The following ABR variants were observed in gnomAD, a reference collection of about 807,000 sequenced individuals.
The protein encoded by ABR is ABR activator of RhoGEF and GTPase.
A neutral mutation model predicts 107.2 loss-of-function variants in ABR; 35 were observed. The ratio of observed to expected loss-of-function variants is 0.33; its 90% CI spans 0.25 to 0.43. ABR has a LOEUF of 0.43. Among genes scored for constraint, ABR ranks in the 20% least tolerant of loss-of-function variants. The pLI is 1.00. For synonymous variants in ABR, 498 were observed against 462.0 expected, an observed-to-expected ratio of 1.08 and a Z score of -1.00; for missense variants, 815 against 1,115.2, an observed-to-expected ratio of 0.73 and a Z score of 3.83.
chr17:1,179,361 G>C lies in ABR; in HGVS notation c.61+306C>G, dbSNP rs1334685991. On this transcript the variant is annotated intron_variant, in intron 1 of 22. Transcript: ENST00000302538. This position sits in a 1 kb window ranked among gnomAD's most constrained non-coding sequence, Gnocchi z 4.9. ...GAGGCCGGGTTCACAACAGGTGGGA[G>C]GGGGGACGCAGCTCTCGGCTCGGTC... 6.6e-6 allele frequency among the ~76,000 whole-genome samples: 1 copy of C among 152,108 alleles called. No individual in the cohort carries two copies. Among genetic ancestry groups the C allele is most frequent in the East Asian group, 1.9e-4 (1 of 5,172 alleles).
chr17:1,073,728 C>T (rs1244951491), intron 6 of ABR, 51 bp from the exon 7 acceptor site: 1 of 1,508,964 alleles, frequency 6.6e-7, no homozygotes. Flanking sequence ...ACGAGGGCAA[C>T]CCAACACCCC....
chr17:1,018,300 C>T (rs923616486), intron 16 of ABR, among the ~76,000 whole-genome samples: 1 of 152,194 alleles, frequency 6.6e-6, no homozygotes, highest in Non-Finnish European at 1.5e-5. Flanking sequence ...CCTCGGCCTC[C>T]CAAAGTGCTG....
rs528823236 is a variant in ABR, at chr17:1,112,661, G to A, written c.247-11926C>T. ...GAAGGAAGGCAGGTTAAGAAGCGCT[G>A]CTTGCTAGAGGACAGAAGATGAACT... On this transcript the variant is annotated intron_variant, in intron 2 of 22. Coordinates refer to ENST00000302538, the MANE Select transcript of ABR (RefSeq NM_021962.5). Among the ~76,000 whole-genome samples the A allele has an allele frequency of 2.1e-3, 239 of 116,442 alleles. 1 individual carries two copies. The highest frequency in any genetic ancestry group is 8.2e-3 in the African/African-American group (220 of 26,756). 76.4% of individuals were successfully genotyped at this position (116,442 alleles called of 152,430 possible). A position where few individuals can be genotyped will look rare whatever the true frequency, so the allele number is the denominator to read the frequency against.
At chr17:1,021,904 A>T (rs528129343) in intron 16 of ABR, among the ~76,000 whole-genome samples, 1 of 151,672 alleles carries the variant, frequency 6.6e-6, no homozygotes, top group Non-Finnish European at 1.5e-5. Flanking sequence ...CATGCCTGTA[A>T]TCCCAGCACT....
intron 1 of ABR, among the ~76,000 whole-genome samples, chr17:1,217,832 T>C (rs535993646): frequency 6.6e-6 from 1 of 152,190 alleles, no homozygotes; most frequent in Non-Finnish European, 1.5e-5. Context: ...GTAGCTGGGA[T>C]TACAGGCACG....
chr17:1,043,207 G>A (rs912989121), intron 16 of ABR, among the ~76,000 whole-genome samples: 1 of 152,140 alleles, frequency 6.6e-6, no homozygotes, highest in Admixed American at 6.5e-5. Context: ...TCACTCTATT[G>A]CCCAGGCTGG....
chr17:1,139,488 G>A (rs545142653), intron 1 of ABR, among the ~76,000 whole-genome samples: 3 of 151,896 alleles, frequency 2.0e-5, no homozygotes, highest in East Asian at 1.9e-4. Flanking sequence ...TCCTGACCTC[G>A]TGATCCACCC....
At chr17:1,087,305 TGGGGTGGGGGTA>T (rs1293022489) in intron 4 of ABR, among the ~76,000 whole-genome samples, 3 of 151,466 alleles carry the variant, frequency 2.0e-5, no homozygotes, top group African/African-American at 4.9e-5. Flanking sequence ...CCAGAGAGGC[TGGGGTGGGGGTA>T]GGGGTGGGGG....
chr17:1,098,320 G>T (rs748635344), intron 3 of ABR, among the ~76,000 whole-genome samples: 1 of 151,824 alleles, frequency 6.6e-6, no homozygotes, highest in East Asian at 1.9e-4. Flanking sequence ...CTTGTGATCC[G>T]CCCACCTCAG....
intron 10 of ABR, among the ~76,000 whole-genome samples, chr17:1,063,897 A>G (rs796665567): frequency 1.2e-3 from 158 of 127,274 alleles, no homozygotes; most frequent in Admixed American, 2.6e-3. Flanking sequence ...TCCTCCAGAC[A>G]CTGTTGTTAT....
intron 22 of ABR, 83 bp downstream of exon 22, chr17:1,007,082 C>T (rs1161050027): frequency 2.2e-5 from 6 of 267,042 alleles, no homozygotes; most frequent in Admixed American, 1.5e-4. Flanking sequence ...GCCACGGGCC[C>T]GGGCGGTGCC....
At chr17:1,022,074 T>C (rs1597402414) in intron 16 of ABR, among the ~76,000 whole-genome samples, 1 of 122,300 alleles carries the variant, frequency 8.2e-6, no homozygotes, top group Admixed American at 1.0e-4. Context: ...ACCACTGCAC[T>C]CCAGCCTGGG....
rs1307942663 is a variant in ABR, at chr17:1,179,325, TGAGGCTCGCG to T, written c.61+332_61+341del. Among the ~76,000 whole-genome samples, 1 of 151,842 alleles carries T rather than the reference TGAGGCTCGCG, an allele frequency of 6.6e-6. No homozygotes were observed. The highest frequency in any genetic ancestry group is 1.5e-5 in the Non-Finnish European group (1 of 67,912). On this transcript the variant is annotated intron_variant, in intron 1 of 22. Transcript: ENST00000302538. This position sits in a 1 kb window ranked among gnomAD's most constrained non-coding sequence, Gnocchi z 4.9. ...AGCACCCAGAAGGGCCTCCCTCCCC[TGAGGCTCGCG>T]GAGGCCGGGTTCACAACAGGTGGGA...
At chr17:1,105,851 G>C (rs1489505807) in intron 2 of ABR, among the ~76,000 whole-genome samples, 1 of 150,432 alleles carries the variant, frequency 6.6e-6, no homozygotes, top group Admixed American at 6.7e-5. Flanking sequence ...GGGTGACAGA[G>C]TGAGACTCTG....
intron 5 of ABR, among the ~76,000 whole-genome samples, chr17:1,079,852 A>G (rs1190728486): frequency 1.4e-5 from 2 of 142,782 alleles, no homozygotes; most frequent in Non-Finnish European, 3.0e-5. Flanking sequence ...CCCCATGGCC[A>G]TGGGCTGCCT....
intron 1 of ABR, among the ~76,000 whole-genome samples, chr17:1,172,291 C>CG (rs1238404103): frequency 6.6e-6 from 1 of 152,178 alleles, no homozygotes; most frequent in Non-Finnish European, 1.5e-5. Context: ...AGCCTCCATA[C>CG]GGGGGTGCCT....
At chr17:1,025,410 C>T (rs1012579146) in intron 16 of ABR, among the ~76,000 whole-genome samples, 9 of 152,214 alleles carry the variant, frequency 5.9e-5, no homozygotes, top group African/African-American at 1.7e-4. Context: ...AAGAATGATG[C>T]CTCGTACAGT....
intron 3 of ABR, among the ~76,000 whole-genome samples, chr17:1,095,267 C>A (rs756575814): frequency 5.3e-5 from 8 of 152,212 alleles, no homozygotes; most frequent in Non-Finnish European, 1.2e-4. Context: ...CCCACCCCGT[C>A]TGCAAAAGGG....
chr17:1,021,440 A>G (rs2071621454), intron 16 of ABR, among the ~76,000 whole-genome samples: 2 of 151,020 alleles, frequency 1.3e-5, no homozygotes, highest in Non-Finnish European at 3.0e-5. Flanking sequence ...TCTACCCTCC[A>G]CCCTCTGAGC....
Sources: gnomAD v4.1 joint callset for allele counts (sites outside exome capture counted in the v4.1 genomes callset) on GRCh38, gnomAD v4.1.1 for gene constraint, Gnocchi (gnomAD v3.1) non-coding constraint, MANE v1.5 for transcripts, NCBI Gene and HGNC (gene_info 2026-07-23, HGNC 2026-07-21) for gene names.